The following KAZN variants were observed in gnomAD, a reference collection of about 807,000 sequenced individuals.
KAZN encodes kazrin, periplakin interacting protein.
Under a neutral mutation model 87.4 loss-of-function variants are expected in KAZN, and 40 were observed. The ratio of observed to expected loss-of-function variants is 0.46; its 90% CI spans 0.36 to 0.60. KAZN has a LOEUF of 0.60. KAZN is among the 20% of genes least tolerant of loss of function. KAZN has a pLI of 0.00. For synonymous variants in KAZN, 466 were observed against 458.3 expected, an observed-to-expected ratio of 1.02 and a Z score of -0.22; for missense variants, 898 against 1,073.9, an observed-to-expected ratio of 0.84 and a Z score of 2.29.
chr1:15,083,252 T>C (rs1640091446), intron 8 of KAZN, among the ~76,000 whole-genome samples: 2 of 152,204 alleles, frequency 1.3e-5, no homozygotes, highest in African/African-American at 4.8e-5. Context: ...GTTGCAAATG[T>C]CAACCTCAGG....
chr1:14,795,449 G>A (rs993454332), intron 1 of KAZN, among the ~76,000 whole-genome samples: 7 of 152,156 alleles, frequency 4.6e-5, no homozygotes, highest in African/African-American at 1.7e-4. Flanking sequence ...CATGGTACTT[G>A]TAGGTAGGTA....
At chr1:14,155,703 G>T (rs1645578323) in intron 1 of KAZN, among the ~76,000 whole-genome samples, 1 of 152,060 alleles carries the variant, frequency 6.6e-6, no homozygotes, top group Non-Finnish European at 1.5e-5. Context: ...AGGCTGGAGT[G>T]CAGTGGCACC....
intron 2 of KAZN, among the ~76,000 whole-genome samples, chr1:14,467,945 G>A (rs1012319849): frequency 6.6e-6 from 1 of 152,136 alleles, no homozygotes; most frequent in African/African-American, 2.4e-5. Context: ...ACCTGAGCTA[G>A]TTTCCAGGCC....
chr1:14,059,065 C>T (rs763083328), intron 1 of KAZN, among the ~76,000 whole-genome samples: 26 of 152,258 alleles, frequency 1.7e-4, no homozygotes, highest in Non-Finnish European at 2.9e-4. Context: ...ATGAGGAGGT[C>T]GAGGGACTGT....
At chr1:14,546,847 T>A (rs548169189) in intron 2 of KAZN, among the ~76,000 whole-genome samples, 30 of 152,294 alleles carry the variant, frequency 2.0e-4, no homozygotes, top group Admixed American at 3.9e-4. Flanking sequence ...TGCTGTAACA[T>A]CCCAGTCCTT....
intron 1 of KAZN, among the ~76,000 whole-genome samples, chr1:14,016,482 C>G (rs1041633114): frequency 8.5e-5 from 13 of 152,096 alleles, no homozygotes; most frequent in African/African-American, 2.9e-4. Flanking sequence ...TCTGGGAGAT[C>G]AGAGCCATGG....
chr1:14,420,925 C>CTCCACACCTCCCT (rs1330014524), intron 2 of KAZN, among the ~76,000 whole-genome samples: 39 of 148,664 alleles, frequency 2.6e-4, no homozygotes, highest in African/African-American at 9.4e-4. Flanking sequence ...CACACCTCCC[C>CTCCACACCTCCCT]GCAAGCAGAG....
chr1:14,809,189 T>C (rs1646325659), intron 1 of KAZN, among the ~76,000 whole-genome samples: 1 of 152,144 alleles, frequency 6.6e-6, no homozygotes, highest in Non-Finnish European at 1.5e-5. Context: ...GCTGAGCACA[T>C]TACCTCCCAA....
intron 2 of KAZN, among the ~76,000 whole-genome samples, chr1:14,589,306 C>T (rs17361593): frequency 6.8e-6 from 1 of 146,800 alleles, no homozygotes; most frequent in African/African-American, 2.6e-5. Flanking sequence ...TTGCTTTACA[C>T]CTCCTCAGCA....
At chr1:15,043,387 A>G (rs1673117596) in intron 3 of KAZN, among the ~76,000 whole-genome samples, 1 of 152,212 alleles carries the variant, frequency 6.6e-6, no homozygotes. Context: ...TGAAACAAGT[A>G]GGATTGACTC....
At chr1:14,589,930 G>A (rs1187348069) in intron 2 of KAZN, among the ~76,000 whole-genome samples, 1 of 152,042 alleles carries the variant, frequency 6.6e-6, no homozygotes, top group Non-Finnish European at 1.5e-5. Context: ...AAAGAATGGG[G>A]GCCTGAGTAG....
intron 1 of KAZN, among the ~76,000 whole-genome samples, chr1:14,643,973 GA>G (rs1364837955): frequency 7.4e-6 from 1 of 134,808 alleles, no homozygotes; most frequent in East Asian, 2.2e-4. Context: ...GTCTTCTTTT[GA>G]AAAATGTCTA....
At chr1:14,164,591 A>AGTGCAATG in intron 1 of KAZN, among the ~76,000 whole-genome samples, 1 of 126,984 alleles carries the variant, frequency 7.9e-6, no homozygotes, top group East Asian at 2.5e-4. Flanking sequence ...CCCAGACTGG[A>AGTGCAATG]GTGCAATGGC....
At chr1:15,060,112 G>A in intron 5 of KAZN, 60 bp from the exon 6 acceptor site, 1 of 1,601,652 alleles carries the variant, frequency 6.2e-7, no homozygotes. Context: ...TAACCGCCAA[G>A]GCAGCACAGG....
chr1:14,094,254 C>T (rs1465525372), intron 1 of KAZN, among the ~76,000 whole-genome samples: 1 of 152,096 alleles, frequency 6.6e-6, no homozygotes, highest in Non-Finnish European at 1.5e-5. Flanking sequence ...CCCTAATATC[C>T]TCAAACGCTG....
At chr1:14,868,148 G>A (rs1227713716) in intron 1 of KAZN, among the ~76,000 whole-genome samples, 1 of 151,526 alleles carries the variant, frequency 6.6e-6, no homozygotes, top group East Asian at 1.9e-4. Flanking sequence ...CATCACATAC[G>A]CAGCCATCGC....
intron 2 of KAZN, among the ~76,000 whole-genome samples, chr1:14,215,273 C>T (rs1357652830): frequency 6.6e-6 from 1 of 152,180 alleles, no homozygotes; most frequent in Non-Finnish European, 1.5e-5. Flanking sequence ...GTGTGATTGT[C>T]ATTACAGGTT....
chr1:14,947,178 C>G (rs1174473617), intron 1 of KAZN, among the ~76,000 whole-genome samples: 2 of 152,210 alleles, frequency 1.3e-5, no homozygotes, highest in Non-Finnish European at 2.9e-5. Context: ...GAGCTTTGGG[C>G]TCCCTGTGTG....
intron 2 of KAZN, among the ~76,000 whole-genome samples, chr1:14,423,878 C>T (rs1265696823): frequency 4.6e-5 from 7 of 152,176 alleles, no homozygotes; most frequent in Non-Finnish European, 1.0e-4. Context: ...AAGGCTGGGA[C>T]CGTCCACATC....
Sources: allele counts gnomAD v4.1 joint callset (sites outside exome capture counted in the v4.1 genomes callset), GRCh38; gene constraint gnomAD v4.1.1; transcripts MANE v1.5; gene names NCBI Gene and HGNC (gene_info 2026-07-23, HGNC 2026-07-21).